The following CLUAP1 variants were observed in gnomAD, a reference collection of about 807,000 sequenced individuals.
CLUAP1 encodes intraflagellar transport 38, also known as clusterin-associated protein 1.
A neutral mutation model predicts 55.0 loss-of-function variants in CLUAP1; 50 were observed. The observed-to-expected ratio is 0.91, with a 90% CI of 0.72 to 1.15. The LOEUF is 1.15. CLUAP1 is among the 50% of genes most tolerant of loss of function. The pLI is 0.00. For missense variants in CLUAP1, 530 were observed against 507.6 expected, an observed-to-expected ratio of 1.04 and a Z score of -0.42; for synonymous variants, 195 against 175.4, an observed-to-expected ratio of 1.11 and a Z score of -0.88.
At chr16:3,532,882 G>C (rs766425287) in intron 11 of CLUAP1, 41 bp downstream of exon 11, 16 of 1,607,600 alleles carry the variant, frequency 1.0e-5, no homozygotes, top group African/African-American at 1.3e-5. Flanking sequence ...TGCACTCTGG[G>C]TTTGGCTGTC....
chr16:3,534,233 G>A (rs114085500), intron 11 of CLUAP1: 2,946 of 152,884 alleles, frequency 0.019, 98 homozygotes, highest in African/African-American at 0.06. Context: ...GGGACAGGGA[G>A]TGACAGGGAA....
At position 3,501,052 on chromosome 16, in the gene CLUAP1, T is replaced by G. The variant is rs1239506062; in HGVS notation, c.-16T>G. 6.9e-6 allele frequency: 11 copies of G among 1,599,272 alleles called. No homozygotes were observed. Among genetic ancestry groups the G allele is most frequent in the Non-Finnish European group, 9.4e-6 (11 of 1,176,098 alleles). On this transcript the variant is annotated 5_prime_UTR_variant, in exon 1 of 12. Coordinates refer to ENST00000576634, the MANE Select transcript of CLUAP1 (RefSeq NM_015041.3). ...GCGAGCAGTTGCGACCCTGGGCTCC[T>G]GGGGACCTGAGCGTTATGTCTTTCC...
Position 3,536,605 on chromosome 16 carries a change from C to T in CLUAP1, c.*334C>T, listed in dbSNP as rs1229399162. Reference sequence around the variant, plus strand: ...ACACAAGTCTTGGCTGCTTTTGTTACTATACATTTTCTCTGAGACTCCAGC... The same window carrying T: ...ACACAAGTCTTGGCTGCTTTTGTTATTATACATTTTCTCTGAGACTCCAGC... On this transcript the variant is annotated 3_prime_UTR_variant, in exon 12 of 12. Coordinates refer to ENST00000576634, the MANE Select transcript of CLUAP1 (RefSeq NM_015041.3). The T allele has an allele frequency of 5.1e-6, 1 of 197,852 alleles. No individual in the cohort carries two copies. Among genetic ancestry groups the T allele is most frequent in the Non-Finnish European group, 1.0e-5 (1 of 95,996 alleles). 12.3% of individuals were successfully genotyped at this position (197,852 alleles called of 1,614,324 possible).
Position 3,537,430 on chromosome 16 carries a change from A to G in CLUAP1, c.*1159A>G, listed in dbSNP as rs2038254554. On this transcript the variant is annotated 3_prime_UTR_variant, in exon 12 of 12. Coordinates refer to ENST00000576634, the MANE Select transcript of CLUAP1 (RefSeq NM_015041.3). Reference sequence around the variant, plus strand: ...GCGCCCTTGGGTCCAGCTACTCAGGAGGCCAAGGTGGGAGGATCACTTGAG... The same window carrying G: ...GCGCCCTTGGGTCCAGCTACTCAGGGGGCCAAGGTGGGAGGATCACTTGAG... 1 of 151,952 alleles carries G rather than the reference A, an allele frequency of 6.6e-6. No individual in the cohort carries two copies. Among genetic ancestry groups the G allele is most frequent in the African/African-American group, 2.4e-5 (1 of 41,356 alleles). The allele number at this position is 151,952 out of a possible 1,614,324, so 9.4% of individuals were successfully genotyped here. A position where few individuals can be genotyped will look rare whatever the true frequency, so the allele number is the denominator to read the frequency against.
At chr16:3,509,651 G>A (rs1197237093) in intron 4 of CLUAP1, among the ~76,000 whole-genome samples, 1 of 152,166 alleles carries the variant, frequency 6.6e-6, no homozygotes, top group Admixed American at 6.5e-5. Flanking sequence ...AGGAATGAAG[G>A]CCCCGGGGCT....
intron 6 of CLUAP1, among the ~76,000 whole-genome samples, chr16:3,518,691 G>A (rs1243060453): frequency 6.6e-6 from 1 of 152,208 alleles, no homozygotes; most frequent in Non-Finnish European, 1.5e-5. Context: ...TAAGGCACTT[G>A]CAGCAAATCG....
upstream of CLUAP1, chr16:3,496,258 A>G (rs1267089212): frequency 1.4e-6 from 1 of 699,178 alleles, no homozygotes; most frequent in Non-Finnish European, 2.6e-6. Context: ...AGAGCCCAAG[A>G]GCCAGGATAT....
intron 9 of CLUAP1, among the ~76,000 whole-genome samples, chr16:3,529,720 A>T (rs2038058688): frequency 2.7e-5 from 1 of 37,246 alleles, no homozygotes; most frequent in Non-Finnish European, 4.1e-5. Context: ...ATATAATATT[A>T]TATATTATAT....
At chr16:3,509,297 G>A (rs2037572360) in intron 4 of CLUAP1, among the ~76,000 whole-genome samples, 1 of 152,168 alleles carries the variant, frequency 6.6e-6, no homozygotes, top group Non-Finnish European at 1.5e-5. Flanking sequence ...AAGCAAGGAG[G>A]CCGTGTGATG....
chr16:3,508,168 G>A (rs1160221646), intron 3 of CLUAP1, 121 bp from the exon 4 acceptor site: 1 of 791,810 alleles, frequency 1.3e-6, no homozygotes, highest in African/African-American at 1.8e-5. Flanking sequence ...TGAATGCTTT[G>A]CTTTTATTAG....
upstream of CLUAP1, among the ~76,000 whole-genome samples, chr16:3,499,312 T>C (rs867806601): frequency 1.1e-4 from 16 of 152,206 alleles, no homozygotes; most frequent in African/African-American, 3.9e-4. Context: ...GCCACTGCAC[T>C]CCAGCCTGGG....
chr16:3,525,590 C>G (rs1335820825), intron 8 of CLUAP1, among the ~76,000 whole-genome samples: 2 of 152,018 alleles, frequency 1.3e-5, no homozygotes, highest in African/African-American at 4.8e-5. Flanking sequence ...CGGGGTCTCA[C>G]TCTGTTGCCT....
chr16:3,532,056 C>G (rs2038131776), intron 10 of CLUAP1, among the ~76,000 whole-genome samples: 1 of 152,070 alleles, frequency 6.6e-6, no homozygotes, highest in Non-Finnish European at 1.5e-5. Context: ...CCAGGCTGGT[C>G]TCGAACTCCC....
intron 8 of CLUAP1, among the ~76,000 whole-genome samples, chr16:3,525,937 CT>C (rs1266046904): frequency 1.3e-5 from 2 of 152,214 alleles, no homozygotes; most frequent in East Asian, 3.8e-4. Flanking sequence ...GTCCCCACCC[CT>C]GTTCCCATCC....
chr16:3,530,428 G>A, intron 9 of CLUAP1, 140 bp from the exon 10 acceptor site: 2 of 663,196 alleles, frequency 3.0e-6, no homozygotes, highest in Non-Finnish European at 5.4e-6. Context: ...CATTGCATGG[G>A]ATAAGGATTT....
At chr16:3,506,796 C>T (rs186597236) in intron 3 of CLUAP1, among the ~76,000 whole-genome samples, 57 of 152,296 alleles carry the variant, frequency 3.7e-4, no homozygotes, top group Non-Finnish European at 6.8e-4. Context: ...AGCCACCACG[C>T]GCCTGGCCTG....
At chr16:3,532,725 G>A in intron 10 of CLUAP1, 61 bp from the exon 11 acceptor site, 1 of 1,549,736 alleles carries the variant, frequency 6.5e-7, no homozygotes, top group South Asian at 1.1e-5. Flanking sequence ...AATCTTGAAT[G>A]CTATTTCCTG....
At position 3,520,016 on chromosome 16, in the gene CLUAP1, A is replaced by G. The variant is rs1214964423; in HGVS notation, c.693A>G (p.Leu231=). Residue 231 remains leucine (L), a synonymous_variant, in exon 7 of 12, where the codon CTA becomes CTG. Coordinates refer to ENST00000576634, the MANE Select transcript of CLUAP1 (RefSeq NM_015041.3). ...KLELERNRKR[L]ETLQSVRPCF... ...AACTGGAAAGAAATCGGAAGCGACT[A>G]GAGACTCTGCAGAGTGTCAGGTAGA... 3.1e-6 allele frequency: 5 copies of G among 1,612,794 alleles called. No individual in the cohort carries two copies. Among genetic ancestry groups the G allele is most frequent in the East Asian group, 2.2e-5 (1 of 44,882 alleles).
At chr16:3,518,535 G>T (rs983897181) in intron 6 of CLUAP1, among the ~76,000 whole-genome samples, 5 of 152,212 alleles carry the variant, frequency 3.3e-5, no homozygotes, top group South Asian at 2.1e-4. Context: ...CTTGTTTGAG[G>T]AACAGATATG....
Sources: allele counts gnomAD v4.1 joint callset (sites outside exome capture counted in the v4.1 genomes callset), GRCh38; gene constraint gnomAD v4.1.1; transcripts MANE v1.5; gene names NCBI Gene and HGNC (gene_info 2026-07-23, HGNC 2026-07-21).